ABHD18: variants seen among roughly 807,000 people sequenced by gnomAD.
The protein encoded by ABHD18 is abhydrolase domain containing 18, also known as cardiolipin-specific deacylase, mitochondrial.
A neutral mutation model predicts 65.9 loss-of-function variants in ABHD18; 55 were observed. The observed-to-expected ratio is 0.84, with a 90% CI of 0.67 to 1.05. The LOEUF (loss-of-function observed/expected upper bound fraction) is 1.05. Among genes scored for constraint, ABHD18 ranks in the 50% least tolerant of loss-of-function variants. The pLI, the probability that ABHD18 is intolerant of heterozygous loss-of-function variation, is 0.00. For missense variants in ABHD18, 533 were observed against 558.5 expected (o/e 0.95, Z 0.46); for synonymous variants, 181 against 180.2 (o/e 1.00, Z -0.04).
At chr4:127,972,590 G>C (rs890358818) in intron 1 of ABHD18, among the ~76,000 whole-genome samples, 4 of 123,598 alleles carry the variant, frequency 3.2e-5, no homozygotes, top group Non-Finnish European at 6.3e-5. Flanking sequence ...ATTTTTAGTA[G>C]AGACAGGGTT....
Position 128,008,948 on chromosome 4 carries a change from A to T in ABHD18, c.307A>T (p.Asn103Tyr), listed in dbSNP as rs780694361. The change falls in exon 5 of 13, where the codon AAC (asparagine) becomes TAC (tyrosine). Residue 103 changes from asparagine (N) to tyrosine (Y), a missense_variant. This residue lies in a region of ABHD18 where 309 missense variants were observed against 313.5 expected (regional missense o/e 0.99). Transcript: ENST00000645843. ...RFQFIVPKEW[N>Y]SKYRPVCIHL... Reference sequence around the variant, plus strand: ...CCAATTTATTGTGCCTAAAGAATGGAACAGCAAATATAGACCTGTATGCAT... The same window carrying T: ...CCAATTTATTGTGCCTAAAGAATGGTACAGCAAATATAGACCTGTATGCAT... The T allele has an allele frequency of 1.2e-6, 2 of 1,610,042 alleles. No individual in the cohort carries two copies. Among genetic ancestry groups the T allele is most frequent in the Non-Finnish European group, 8.5e-7 (1 of 1,178,686 alleles).
chr4:127,977,489 A>G (rs890938296), intron 1 of ABHD18, among the ~76,000 whole-genome samples: 7 of 152,230 alleles, frequency 4.6e-5, no homozygotes, highest in African/African-American at 1.7e-4. Context: ...TAAAAATAAA[A>G]AATAAATTTA....
At chr4:127,991,377 C>T (rs1349366604) in intron 4 of ABHD18, among the ~76,000 whole-genome samples, 1 of 152,058 alleles carries the variant, frequency 6.6e-6, no homozygotes, top group Non-Finnish European at 1.5e-5. Flanking sequence ...TAGGCACCCA[C>T]CACACCTGGC....
chr4:127,981,738 T>C (rs1406626446), intron 1 of ABHD18, among the ~76,000 whole-genome samples: 1 of 152,190 alleles, frequency 6.6e-6, no homozygotes, highest in Non-Finnish European at 1.5e-5. Context: ...CAATACATTT[T>C]TTTGAACATT....
intron 4 of ABHD18, among the ~76,000 whole-genome samples, chr4:128,000,399 G>A (rs922378471): frequency 2.0e-5 from 3 of 152,108 alleles, no homozygotes; most frequent in African/African-American, 7.2e-5. Flanking sequence ...TCTTTTGTCT[G>A]TTATTGTTGA....
intron 12 of ABHD18, 27 bp from the exon 13 acceptor site, chr4:128,035,735 G>T: frequency 7.0e-7 from 1 of 1,423,552 alleles, no homozygotes; most frequent in Non-Finnish European, 9.6e-7. Context: ...TAGTTACTTA[G>T]AGTTTTTCTT....
chr4:128,008,340 C>T (rs1220459647), intron 4 of ABHD18, among the ~76,000 whole-genome samples: 10 of 135,962 alleles, frequency 7.4e-5, no homozygotes, highest in African/African-American at 2.2e-4. Context: ...GGCACAATCT[C>T]GGCTCACTGC....
chr4:127,980,091 G>A (rs1748745102), intron 1 of ABHD18, among the ~76,000 whole-genome samples: 1 of 152,150 alleles, frequency 6.6e-6, no homozygotes, highest in Non-Finnish European at 1.5e-5. Context: ...TAGTTCACGT[G>A]TTGGAAACAT....
intron 1 of ABHD18, among the ~76,000 whole-genome samples, chr4:127,967,906 C>T (rs1469432424): frequency 1.3e-5 from 2 of 151,976 alleles, no homozygotes; most frequent in Non-Finnish European, 2.9e-5. Flanking sequence ...AGGTGACTGC[C>T]CAGGATATTT....
intron 4 of ABHD18, among the ~76,000 whole-genome samples, chr4:127,993,753 A>G (rs930586173): frequency 1.3e-5 from 2 of 152,096 alleles, no homozygotes; most frequent in African/African-American, 4.8e-5. Context: ...ACTCTACCAT[A>G]ATTTACTAAT....
At chr4:128,021,069 T>A in intron 9 of ABHD18, 68 bp from the exon 10 acceptor site, 19 of 820,746 alleles carry the variant, frequency 2.3e-5, no homozygotes, top group Non-Finnish European at 3.0e-5. Flanking sequence ...CACACAGTAA[T>A]AATAATAAAA....
Position 127,999,101 on chromosome 4 carries a change from T to C in ABHD18, c.278+9280T>C, listed in dbSNP as rs1752251131. On this transcript the variant is annotated intron_variant, in intron 4 of 12. Coordinates refer to ENST00000645843, the MANE Select transcript of ABHD18 (RefSeq NM_001358451.3). ...TTAAAAAACATGAGCCTGGCCAACA[T>C]GGTGAAACCACATTTCTACTAAAAA... Among the ~76,000 whole-genome samples, 3 of 151,872 alleles carry C rather than the reference T, an allele frequency of 2.0e-5. 1 individual carries two copies. In the South Asian group the frequency reaches 6.2e-4, roughly 31 times the overall value.
In ABHD18 at chr4:127,983,007, CT is replaced by C; in HGVS notation, c.57del (p.Phe19LeufsTer20). 1 of 1,563,710 alleles carries C rather than the reference CT, an allele frequency of 6.4e-7. No homozygotes were observed. Among genetic ancestry groups the C allele is most frequent in the Non-Finnish European group, 8.7e-7 (1 of 1,152,714 alleles). On this transcript the variant is annotated frameshift_variant, in exon 2 of 13. Coordinates refer to ENST00000645843, the MANE Select transcript of ABHD18 (RefSeq NM_001358451.3). LOFTEE classifies it high-confidence loss of function. ...ILYRRLLLTKLFIRGWGRPED... is the reference protein window; with the variant it reads ...ILYRRLLLTKXFIRGWGRPED... The stretch of plus-strand genomic sequence containing the variant: ...ATACCGGAGACTTCTCCTAACAAAA[CT>C]TTTTATCAGAGGATGGGGAAGGCCA...
At chr4:127,989,279 G>T (rs1750519364) in intron 3 of ABHD18, among the ~76,000 whole-genome samples, 1 of 152,122 alleles carries the variant, frequency 6.6e-6, no homozygotes, top group Non-Finnish European at 1.5e-5. Context: ...AAGAAAAGTA[G>T]CAGGGAGGGG....
intron 12 of ABHD18, among the ~76,000 whole-genome samples, chr4:128,032,896 G>A (rs879916988): frequency 5.9e-5 from 9 of 152,122 alleles, no homozygotes; most frequent in Non-Finnish European, 1.2e-4. Flanking sequence ...GCACCAGGAA[G>A]TAAACAAATT....
intron 12 of ABHD18, among the ~76,000 whole-genome samples, chr4:128,034,247 G>A (rs1481656435): frequency 1.3e-5 from 2 of 152,144 alleles, no homozygotes; most frequent in Non-Finnish European, 1.5e-5. Flanking sequence ...GTAAGCCACC[G>A]CGCCTGGCCT....
chr4:127,982,671 T>A (rs1278228281), intron 1 of ABHD18, among the ~76,000 whole-genome samples: 1 of 152,116 alleles, frequency 6.6e-6, no homozygotes, highest in Non-Finnish European at 1.5e-5. Flanking sequence ...ATCCAGCAAA[T>A]AGAGGGTACT....
Position 128,039,950 on chromosome 4 carries a change from A to G in ABHD18, c.*4137A>G, listed in dbSNP as rs1759201265. ...CTGAGGGAAATAAACATTCTTACAG[A>G]CCATAGTTATCTCAATGTTGCTCAA... On this transcript the variant is annotated 3_prime_UTR_variant, in exon 13 of 13. Coordinates refer to ENST00000645843, the MANE Select transcript of ABHD18 (RefSeq NM_001358451.3). 1 of 152,176 alleles carries G rather than the reference A, an allele frequency of 6.6e-6. No individual in the cohort carries two copies. Among genetic ancestry groups the G allele is most frequent in the Non-Finnish European group, 1.5e-5 (1 of 68,038 alleles). 9.4% of individuals were successfully genotyped at this position (152,176 alleles called of 1,614,324 possible). A position where few individuals can be genotyped will look rare whatever the true frequency, so the allele number is the denominator to read the frequency against.
At chr4:127,972,921 TTTG>T (rs1460589070) in intron 1 of ABHD18, among the ~76,000 whole-genome samples, 1 of 152,198 alleles carries the variant, frequency 6.6e-6, no homozygotes, top group East Asian at 1.9e-4. Flanking sequence ...TTTTGGTTTT[TTTG>T]TTGTTGTTTC....
Sources: gnomAD v4.1 joint callset for allele counts (sites outside exome capture counted in the v4.1 genomes callset) on GRCh38, gnomAD v4.1.1 for gene constraint, gnomAD v4.1.1 regional missense constraint, MANE v1.5 for transcripts, NCBI Gene and HGNC (gene_info 2026-07-23, HGNC 2026-07-21) for gene names.